The following PHLDB2 variants were observed in gnomAD, a reference collection of about 807,000 sequenced individuals.
PHLDB2 encodes the protein pleckstrin homology-like domain family B member 2.
In PHLDB2, 71 loss-of-function variants were observed where a neutral mutation model predicts 123.6. The observed-to-expected ratio is 0.57, with a 90% CI of 0.47 to 0.70. PHLDB2 has a LOEUF of 0.70. Ranked by LOEUF, PHLDB2 falls within the 30% of genes least tolerant of loss-of-function variation. The probability of loss-of-function intolerance (pLI) is 0.00; values close to 1 mark genes in which losing one functional copy is unlikely to be tolerated. For missense variants in PHLDB2, 1,446 were observed against 1,519.5 expected (o/e 0.95, Z 0.80); for synonymous variants, 547 against 541.6 (o/e 1.01, Z -0.14).
chr3:111,820,569 C>T (rs1354629575), intron 1 of PHLDB2, among the ~76,000 whole-genome samples: 1 of 152,238 alleles, frequency 6.6e-6, no homozygotes, highest in African/African-American at 2.4e-5. Flanking sequence ...CACTAGCCCA[C>T]AACTATAAGT....
chr3:111,786,414 C>T (rs1299423816), intron 1 of PHLDB2, among the ~76,000 whole-genome samples: 1 of 152,164 alleles, frequency 6.6e-6, no homozygotes, highest in Admixed American at 6.5e-5. Context: ...GGAATTCAAA[C>T]AATTACTAAA....
At chr3:111,818,568 T>G (rs1210840803) in intron 1 of PHLDB2, among the ~76,000 whole-genome samples, 1 of 152,182 alleles carries the variant, frequency 6.6e-6, no homozygotes, top group African/African-American at 2.4e-5. Context: ...TAGTGCCATA[T>G]TTCCACAATG....
chr3:111,822,325 A>G (rs1327268575), intron 1 of PHLDB2, among the ~76,000 whole-genome samples: 5 of 118,180 alleles, frequency 4.2e-5, no homozygotes, highest in African/African-American at 1.8e-4. Context: ...GTGTATATAT[A>G]TATATATAAT....
chr3:111,936,640 A>G (rs1338333717), intron 6 of PHLDB2, among the ~76,000 whole-genome samples: 1 of 152,208 alleles, frequency 6.6e-6, no homozygotes, highest in Non-Finnish European at 1.5e-5. Flanking sequence ...TACTACAAAT[A>G]AATGAATGAT....
chr3:111,857,460 A>AAAAAG (rs149829768), upstream of PHLDB2, among the ~76,000 whole-genome samples: 16,514 of 79,760 alleles, frequency 0.21, 1,356 homozygotes, highest in South Asian at 0.34. Flanking sequence ...CAAAAAAAAA[A>AAAAAG]AAAAGAAAAG....
At chr3:111,815,131 T>C (rs1161778780) in intron 1 of PHLDB2, among the ~76,000 whole-genome samples, 1 of 152,180 alleles carries the variant, frequency 6.6e-6, no homozygotes, top group African/African-American at 2.4e-5. Flanking sequence ...TCCACCATGA[T>C]TGTGAGGCCT....
intron 2 of PHLDB2, among the ~76,000 whole-genome samples, chr3:111,895,857 AATCT>A (rs10671387): frequency 3.1e-5 from 3 of 95,988 alleles, no homozygotes; most frequent in Non-Finnish European, 7.7e-5. Flanking sequence ...AAAAAAAAAA[AATCT>A]ATCTATCTAT....
At chr3:111,766,246 G>T (rs939864651) in intron 1 of PHLDB2, among the ~76,000 whole-genome samples, 1 of 151,970 alleles carries the variant, frequency 6.6e-6, no homozygotes, top group African/African-American at 2.4e-5. Flanking sequence ...TTCAAGACTA[G>T]CCTGGGCAAC....
intron 1 of PHLDB2, among the ~76,000 whole-genome samples, chr3:111,775,395 T>A (rs968224764): frequency 6.6e-6 from 1 of 152,196 alleles, no homozygotes; most frequent in African/African-American, 2.4e-5. Context: ...ATGTAGATGA[T>A]ACTTTAGAAA....
intron 1 of PHLDB2, among the ~76,000 whole-genome samples, chr3:111,758,388 G>A (rs1321761518): frequency 6.6e-6 from 1 of 152,186 alleles, no homozygotes; most frequent in Non-Finnish European, 1.5e-5. Flanking sequence ...AAGACTCTGT[G>A]GGCATAGGAC....
chr3:111,951,603 A>G (rs766264303), intron 10 of PHLDB2, among the ~76,000 whole-genome samples: 3 of 152,138 alleles, frequency 2.0e-5, no homozygotes, highest in Non-Finnish European at 2.9e-5. Flanking sequence ...ATATATATTT[A>G]TGTTTTATTT....
rs2066107317 is a variant in PHLDB2 at position 111,885,467 on chromosome 3, A to G, written c.1335+55A>G. The G allele has an allele frequency of 3.1e-6, 5 of 1,610,572 alleles. No individual in the cohort carries two copies. In the East Asian group the frequency reaches 6.7e-5, roughly 22 times the overall value. ...CACTGTTTCATTAACCAGCATCTAC[A>G]GGGCAGCCTTGGAGATGGACTCCAG... On this transcript the variant is annotated intron_variant, in intron 2 of 17. Coordinates refer to ENST00000431670, the MANE Select transcript of PHLDB2 (RefSeq NM_001134438.2).
intron 1 of PHLDB2, among the ~76,000 whole-genome samples, chr3:111,792,117 A>T (rs182560186): frequency 2.0e-5 from 3 of 152,054 alleles, no homozygotes; most frequent in South Asian, 4.1e-4. Context: ...ATACTTTTAC[A>T]TGTTTTCATG....
At chr3:111,894,254 G>A (rs1486115589) in intron 2 of PHLDB2, among the ~76,000 whole-genome samples, 4 of 151,884 alleles carry the variant, frequency 2.6e-5, no homozygotes, top group Non-Finnish European at 5.9e-5. Context: ...CATTTTTTGT[G>A]GCTGCATAGT....
chr3:111,735,299 G>C (rs768444410), intron 1 of PHLDB2, among the ~76,000 whole-genome samples: 2 of 152,130 alleles, frequency 1.3e-5, no homozygotes, highest in African/African-American at 4.8e-5. Context: ...GACCCATGTC[G>C]GCTTGGAGTC....
chr3:111,967,234 C>T (rs963535926), intron 14 of PHLDB2, among the ~76,000 whole-genome samples: 13 of 152,206 alleles, frequency 8.5e-5, no homozygotes, highest in African/African-American at 3.1e-4. Context: ...CACGTGCTTC[C>T]TCTGTGACCT....
At chr3:111,969,334 C>T (rs1178590150) in intron 15 of PHLDB2, among the ~76,000 whole-genome samples, 1 of 152,180 alleles carries the variant, frequency 6.6e-6, no homozygotes, top group African/African-American at 2.4e-5. Flanking sequence ...AACAGTGGAG[C>T]AGTCCTCATC....
At chr3:111,737,977 G>T (rs1214569716) in intron 1 of PHLDB2, among the ~76,000 whole-genome samples, 1 of 152,112 alleles carries the variant, frequency 6.6e-6, no homozygotes, top group African/African-American at 2.4e-5. Flanking sequence ...CCCAGGAGAG[G>T]TCGGCCAGAA....
At chr3:111,753,851 T>A (rs960462256) in intron 1 of PHLDB2, among the ~76,000 whole-genome samples, 8 of 152,312 alleles carry the variant, frequency 5.3e-5, no homozygotes, top group African/African-American at 1.9e-4. Context: ...GGGATCCAGT[T>A]TCAGCTTTCT....
Sources: allele counts gnomAD v4.1 joint callset (sites outside exome capture counted in the v4.1 genomes callset), GRCh38; gene constraint gnomAD v4.1.1; transcripts MANE v1.5; gene names NCBI Gene and HGNC (gene_info 2026-07-23, HGNC 2026-07-21).